Variants in CFAP20DC observed in about 807,000 individuals in gnomAD.
CFAP20DC encodes the protein protein CFAP20DC.
Under a neutral mutation model 101.7 loss-of-function variants are expected in CFAP20DC, and 84 were observed. That is an observed-to-expected ratio of 0.83 (90% CI 0.69 to 0.99). CFAP20DC has a LOEUF of 0.99. Among genes scored for constraint, CFAP20DC ranks in the 50% least tolerant of loss-of-function variants. CFAP20DC has a pLI of 0.00. For missense variants in CFAP20DC, 1,007 were observed against 970.3 expected (o/e 1.04, Z -0.50); for synonymous variants, 359 against 351.2 (o/e 1.02, Z -0.25).
intron 15 of CFAP20DC, among the ~76,000 whole-genome samples, chr3:58,765,825 T>C (rs1345269037): frequency 6.6e-6 from 1 of 152,182 alleles, no homozygotes; most frequent in African/African-American, 2.4e-5. Context: ...CTGAAAGAAA[T>C]TTAGATTTTA....
rs184437484 is a variant in CFAP20DC at position 58,892,785 on chromosome 3, A to G, written c.551-8076T>C. 2.0e-5 allele frequency among the ~76,000 whole-genome samples: 3 copies of G among 152,292 alleles called. No individual in the cohort carries two copies. The highest frequency in any genetic ancestry group is 2.4e-5 in the African/African-American group (1 of 41,582). On this transcript the variant is annotated intron_variant, in intron 6 of 16. Coordinates refer to ENST00000482387, the MANE Select transcript of CFAP20DC (RefSeq NM_001394063.1). This position sits in a 1 kb window ranked among gnomAD's most constrained non-coding sequence, Gnocchi z 4.0. Reference sequence around the variant, plus strand: ...GGATCATGTCATCTGCAAAAAGGTAATTTGACTTCCTCTCTTCCTATTTGA... The same window carrying G: ...GGATCATGTCATCTGCAAAAAGGTAGTTTGACTTCCTCTCTTCCTATTTGA...
chr3:58,936,022 T>C (rs1482195767), intron 5 of CFAP20DC, among the ~76,000 whole-genome samples: 2 of 152,036 alleles, frequency 1.3e-5, no homozygotes, highest in East Asian at 1.9e-4. Context: ...ACAACCTACT[T>C]ATCTGACAAA....
chr3:58,945,697 C>CTT (rs66828789), intron 4 of CFAP20DC, among the ~76,000 whole-genome samples: 12 of 138,496 alleles, frequency 8.7e-5, no homozygotes, highest in Non-Finnish European at 1.1e-4. Flanking sequence ...AAGTCACTTT[C>CTT]TTTTTTTTTT....
intron 3 of CFAP20DC, among the ~76,000 whole-genome samples, chr3:58,725,648 C>A (rs1357651375): frequency 1.3e-5 from 2 of 152,128 alleles, no homozygotes; most frequent in African/African-American, 2.4e-5. Context: ...TGAAACAGGG[C>A]TTTTTTTGAG....
intron 4 of CFAP20DC, among the ~76,000 whole-genome samples, chr3:58,940,511 A>G (rs901903095): frequency 6.6e-6 from 1 of 152,184 alleles, no homozygotes; most frequent in Non-Finnish European, 1.5e-5. Context: ...AATTGTCCCA[A>G]CACCATTTAT....
intron 6 of CFAP20DC, among the ~76,000 whole-genome samples, chr3:58,907,593 C>G (rs1356696693): frequency 1.3e-5 from 2 of 152,164 alleles, no homozygotes; most frequent in Non-Finnish European, 2.9e-5. Context: ...GTTCAGAACT[C>G]ATACAAACCC....
At chr3:58,990,042 G>A (rs2092887909) in intron 4 of CFAP20DC, among the ~76,000 whole-genome samples, 5 of 152,160 alleles carry the variant, frequency 3.3e-5, no homozygotes, top group Admixed American at 3.3e-4. Context: ...CCTAAGAGGT[G>A]CCTGCAATGT....
intron 6 of CFAP20DC, among the ~76,000 whole-genome samples, chr3:58,890,646 C>A (rs879305327): frequency 6.7e-5 from 10 of 149,116 alleles, no homozygotes; most frequent in African/African-American, 9.9e-5. Flanking sequence ...GGCTGCTGGG[C>A]GGAGGGGCTC....
rs1461295699 is a variant in CFAP20DC at position 59,015,837 on chromosome 3, T to C, written c.278+23720A>G. ...GGCTGTAGAGCTGGGGACAACAACC[T>C]TTCTGCTGTTAAGTCTGTTTTACTC... On this transcript the variant is annotated intron_variant, in intron 4 of 16. Transcript: ENST00000482387. This position sits in a 1 kb window ranked among gnomAD's most constrained non-coding sequence, Gnocchi z 5.4. Among the ~76,000 whole-genome samples, 1 of 152,096 alleles carries C rather than the reference T, an allele frequency of 6.6e-6. No individual in the cohort carries two copies. The highest frequency in any genetic ancestry group is 2.4e-5 in the African/African-American group (1 of 41,436).
chr3:58,839,520 TACACTC>T (rs1353702439), intron 13 of CFAP20DC, among the ~76,000 whole-genome samples: 8 of 152,320 alleles, frequency 5.3e-5, no homozygotes, highest in Middle Eastern at 3.4e-3. Context: ...TTTTAGGAAA[TACACTC>T]AGCTTAGTAC....
At chr3:58,758,043 A>G (rs566712317) in intron 15 of CFAP20DC, among the ~76,000 whole-genome samples, 2 of 152,218 alleles carry the variant, frequency 1.3e-5, no homozygotes, top group South Asian at 2.1e-4. Flanking sequence ...GCATTGCCCA[A>G]ATTTATGTAT....
intron 6 of CFAP20DC, among the ~76,000 whole-genome samples, chr3:58,893,765 T>A (rs2082441705): frequency 6.6e-6 from 1 of 151,660 alleles, no homozygotes; most frequent in Admixed American, 6.6e-5. Context: ...CATCTGTTCC[T>A]GGGCTTTTTT....
chr3:58,894,499 T>G lies in CFAP20DC; in HGVS notation c.551-9790A>C, dbSNP rs191718277. Among the ~76,000 whole-genome samples, 4 of 152,326 alleles carry G rather than the reference T, an allele frequency of 2.6e-5. No homozygotes were observed. The East Asian group carries it at 5.8e-4, about 22-fold the overall frequency. Reference sequence around the variant, plus strand: ...TCTCCTTTGACTCCATGTCTCACATTCAGGACACGCTGATGCAGAAGGTGG... The same window carrying G: ...TCTCCTTTGACTCCATGTCTCACATGCAGGACACGCTGATGCAGAAGGTGG... On this transcript the variant is annotated intron_variant, in intron 6 of 16. Transcript: ENST00000482387. The surrounding 1 kb of genome is among the most constrained non-coding windows in gnomAD (Gnocchi z 4.1).
intron 5 of CFAP20DC, among the ~76,000 whole-genome samples, chr3:58,933,123 T>C (rs2086961357): frequency 6.6e-6 from 1 of 152,096 alleles, no homozygotes; most frequent in African/African-American, 2.4e-5. Context: ...GTTGCAATCC[T>C]AGTCTCTGAT....
At chr3:58,940,013 C>A (rs145266592) in intron 4 of CFAP20DC, among the ~76,000 whole-genome samples, 1 of 152,050 alleles carries the variant, frequency 6.6e-6, no homozygotes, top group African/African-American at 2.4e-5. Flanking sequence ...GTGATCGGCC[C>A]GCCTGGGCCT....
chr3:58,813,023 T>C (rs530332354), intron 14 of CFAP20DC, among the ~76,000 whole-genome samples: 1 of 151,974 alleles, frequency 6.6e-6, no homozygotes, highest in South Asian at 2.1e-4. Flanking sequence ...AAAATACATT[T>C]AGTCTCAGTG....
chr3:58,904,845 C>A (rs1446499801), intron 6 of CFAP20DC, among the ~76,000 whole-genome samples: 1 of 152,106 alleles, frequency 6.6e-6, no homozygotes, highest in African/African-American at 2.4e-5. Context: ...TTTCTAGATT[C>A]TCCGTGGCTT....
intron 3 of CFAP20DC, among the ~76,000 whole-genome samples, chr3:58,723,947 A>T (rs2067509608): frequency 6.6e-6 from 1 of 152,224 alleles, no homozygotes; most frequent in South Asian, 2.1e-4. Context: ...TAGGTGCCTT[A>T]GGCGCACATT....
chr3:58,837,407 A>C (rs1175516567), intron 13 of CFAP20DC, among the ~76,000 whole-genome samples: 1 of 152,184 alleles, frequency 6.6e-6, no homozygotes, highest in African/African-American at 2.4e-5. Flanking sequence ...CCAGACACAG[A>C]AGAGTACATA....
Sources: gnomAD v4.1 joint callset for allele counts (sites outside exome capture counted in the v4.1 genomes callset) on GRCh38, gnomAD v4.1.1 for gene constraint, Gnocchi (gnomAD v3.1) non-coding constraint, MANE v1.5 for transcripts, NCBI Gene and HGNC (gene_info 2026-07-23, HGNC 2026-07-21) for gene names.